Variants in AGBL4 observed in about 807,000 individuals in gnomAD.
AGBL4 encodes the protein AGBL carboxypeptidase 4.
AGBL4 carries 58 observed loss-of-function variants against 66.4 expected under a neutral mutation model. The ratio of observed to expected loss-of-function variants is 0.87; its 90% CI spans 0.71 to 1.09. The LOEUF (loss-of-function observed/expected upper bound fraction) is 1.09, where lower values mean the gene tolerates loss of function less well. Ranked by LOEUF, AGBL4 falls within the 50% of genes least tolerant of loss-of-function variation. The probability of loss-of-function intolerance (pLI) is 0.00; values close to 1 mark genes in which losing one functional copy is unlikely to be tolerated. For synonymous variants in AGBL4, 234 were observed against 222.9 expected (o/e 1.05, Z -0.44); for missense variants, 579 against 631.0 (o/e 0.92, Z 0.88).
rs546962758 is a variant in AGBL4 at position 49,317,808 on chromosome 1, C to T, written c.283-71944G>A. ...TAATACAGGATAGCATAACACTGAA[C>T]TTTGTAAAGATGTCAGCTTCAACTA... On this transcript the variant is annotated intron_variant, in intron 3 of 13. Coordinates refer to ENST00000371839, the MANE Select transcript of AGBL4 (RefSeq NM_032785.4). Among the ~76,000 whole-genome samples the T allele has an allele frequency of 6.4e-4, 98 of 152,098 alleles. 3 individuals carry two copies. In the South Asian group the frequency reaches 0.019, roughly 29 times the overall value.
intron 11 of AGBL4, among the ~76,000 whole-genome samples, chr1:48,572,545 TGTGA>T (rs1311197313): frequency 6.6e-6 from 1 of 151,740 alleles, no homozygotes; most frequent in Non-Finnish European, 1.5e-5. Context: ...TGTGAGTGTG[TGTGA>T]GTGTGTGTGT....
intron 3 of AGBL4, among the ~76,000 whole-genome samples, chr1:49,460,894 T>C (rs1275414385): frequency 1.3e-5 from 2 of 151,748 alleles, no homozygotes; most frequent in African/African-American, 4.8e-5. Flanking sequence ...TGGCTAATAA[T>C]TGTTTTGTTT....
intron 4 of AGBL4, among the ~76,000 whole-genome samples, chr1:49,162,292 C>T (rs1482923984): frequency 6.6e-6 from 1 of 152,136 alleles, no homozygotes; most frequent in African/African-American, 2.4e-5. Context: ...GACATTTACT[C>T]TGTCCAGAAA....
chr1:49,672,144 T>G (rs1163684012), intron 3 of AGBL4, among the ~76,000 whole-genome samples: 2 of 152,102 alleles, frequency 1.3e-5, no homozygotes, highest in Non-Finnish European at 2.9e-5. Flanking sequence ...CCATGGAATA[T>G]TATGCAGCCA....
chr1:48,646,178 G>T (rs1447096933), intron 8 of AGBL4, among the ~76,000 whole-genome samples: 1 of 152,146 alleles, frequency 6.6e-6, no homozygotes. Flanking sequence ...GGCAAGCAGA[G>T]GGGGCATGGC....
intron 4 of AGBL4, among the ~76,000 whole-genome samples, chr1:49,094,403 A>G (rs899765816): frequency 4.6e-5 from 7 of 152,084 alleles, no homozygotes; most frequent in African/African-American, 1.4e-4. Context: ...AGTGAACACA[A>G]TGCATTTTGT....
chr1:49,868,047 C>T (rs941826418), intron 1 of AGBL4, among the ~76,000 whole-genome samples: 1 of 151,356 alleles, frequency 6.6e-6, no homozygotes, highest in African/African-American at 2.4e-5. Flanking sequence ...GAATAAAATA[C>T]CTAGGAATAC....
At chr1:49,165,309 GGAGA>G (rs1389125158) in intron 4 of AGBL4, among the ~76,000 whole-genome samples, 1 of 152,056 alleles carries the variant, frequency 6.6e-6, no homozygotes, top group East Asian at 1.9e-4. Context: ...AATAATATGA[GGAGA>G]GAAACATTCA....
chr1:49,918,755 A>T (rs1008541270), intron 1 of AGBL4, among the ~76,000 whole-genome samples: 3 of 152,242 alleles, frequency 2.0e-5, no homozygotes, highest in Non-Finnish European at 4.4e-5. Context: ...CATCATCCTG[A>T]TACCAAAGAC....
chr1:49,783,924 A>G (rs566705128), intron 2 of AGBL4, among the ~76,000 whole-genome samples: 4 of 152,296 alleles, frequency 2.6e-5, no homozygotes, highest in Non-Finnish European at 4.4e-5. Context: ...AATACTTAGG[A>G]ATAAATTTAA....
At chr1:49,736,907 TA>T (rs1273871930) in intron 2 of AGBL4, among the ~76,000 whole-genome samples, 4 of 150,932 alleles carry the variant, frequency 2.7e-5, no homozygotes, top group African/African-American at 7.3e-5. Context: ...CCAACATAGG[TA>T]AAAATTAACA....
rs758360688 is a variant in AGBL4 at position 49,019,341 on chromosome 1, T to TG, written c.594+26242_594+26243insC. Among the ~76,000 whole-genome samples the TG allele has an allele frequency of 7.9e-5, 12 of 152,196 alleles. No homozygotes were observed. The South Asian group carries it at 2.5e-3, about 32-fold the overall frequency. On this transcript the variant is annotated intron_variant, in intron 5 of 13. Coordinates refer to ENST00000371839, the MANE Select transcript of AGBL4 (RefSeq NM_032785.4). Reference sequence around the variant, plus strand: ...CTCATCCTCCCCACATGGACATCAGTAGGAGGAGGCCCCACCTCAAGGAAA... The same window carrying TG: ...CTCATCCTCCCCACATGGACATCAGTGAGGAGGAGGCCCCACCTCAAGGAAA...
At chr1:48,968,657 CT>C (rs1414556554) in intron 5 of AGBL4, among the ~76,000 whole-genome samples, 9 of 152,274 alleles carry the variant, frequency 5.9e-5, no homozygotes, top group African/African-American at 2.2e-4. Flanking sequence ...AGGGGAAGGA[CT>C]TATCTAAGGC....
At chr1:49,760,465 A>G (rs1438220872) in intron 2 of AGBL4, among the ~76,000 whole-genome samples, 1 of 152,206 alleles carries the variant, frequency 6.6e-6, no homozygotes, top group Non-Finnish European at 1.5e-5. Flanking sequence ...CAAAACCACA[A>G]TGAGATACCA....
chr1:48,587,998 T>C (rs1052787160), intron 10 of AGBL4, among the ~76,000 whole-genome samples: 1 of 152,204 alleles, frequency 6.6e-6, no homozygotes, highest in African/African-American at 2.4e-5. Flanking sequence ...CTTTCAATTG[T>C]ATGATATTGT....
chr1:49,931,478 G>A (rs1249569226), intron 1 of AGBL4, among the ~76,000 whole-genome samples: 1 of 152,122 alleles, frequency 6.6e-6, no homozygotes, highest in Non-Finnish European at 1.5e-5. Flanking sequence ...CATGGTAGCA[G>A]AAGAGAGAGA....
chr1:49,451,495 G>A (rs1646276738), intron 3 of AGBL4, among the ~76,000 whole-genome samples: 1 of 151,934 alleles, frequency 6.6e-6, no homozygotes, highest in Non-Finnish European at 1.5e-5. Flanking sequence ...AGAGTCTTTT[G>A]GGAGCATCTT....
At chr1:49,358,821 G>A (rs1040858299) in intron 3 of AGBL4, among the ~76,000 whole-genome samples, 4 of 151,940 alleles carry the variant, frequency 2.6e-5, no homozygotes, top group Non-Finnish European at 5.9e-5. Flanking sequence ...AAATGAAGAT[G>A]AAGAACCACA....
chr1:49,956,795 T>C (rs148125155), intron 1 of AGBL4, among the ~76,000 whole-genome samples: 262 of 152,060 alleles, frequency 1.7e-3, no homozygotes, highest in African/African-American at 6.1e-3. Flanking sequence ...TTAATGACTT[T>C]TGGATCAATT....
Sources: allele counts gnomAD v4.1 joint callset (sites outside exome capture counted in the v4.1 genomes callset), GRCh38; gene constraint gnomAD v4.1.1; transcripts MANE v1.5; gene names NCBI Gene and HGNC (gene_info 2026-07-23, HGNC 2026-07-21).